The following KCNK2 variants were observed in gnomAD, a reference collection of about 807,000 sequenced individuals.
KCNK2 encodes the protein potassium two pore domain channel subfamily K member 2.
In KCNK2, 21 loss-of-function variants were observed where a neutral mutation model predicts 40.5. The observed-to-expected ratio is 0.52, with a 90% confidence interval of 0.37 to 0.75. The LOEUF (loss-of-function observed/expected upper bound fraction) is 0.75, where lower values mean the gene tolerates loss of function less well. Among genes scored for constraint, KCNK2 ranks in the 30% least tolerant of loss-of-function variants. KCNK2 has a pLI of 0.00. For missense variants in KCNK2, 399 were observed against 531.6 expected (o/e 0.75, Z 2.45); for synonymous variants, 191 against 202.2 (o/e 0.94, Z 0.47).
chr1:215,023,887 C>T (rs1384021165), intron 1 of KCNK2, among the ~76,000 whole-genome samples: 2 of 152,078 alleles, frequency 1.3e-5, no homozygotes, highest in Non-Finnish European at 2.9e-5. Flanking sequence ...CTTTGTCTCC[C>T]CTCCACTTCA....
At chr1:215,101,765 G>A (rs571343768) in intron 2 of KCNK2, among the ~76,000 whole-genome samples, 1 of 151,898 alleles carries the variant, frequency 6.6e-6, no homozygotes, top group Non-Finnish European at 1.5e-5. Flanking sequence ...TGCCTATGAC[G>A]TAGCCATCAA....
intron 2 of KCNK2, among the ~76,000 whole-genome samples, chr1:215,090,146 C>T (rs758341805): frequency 7.9e-5 from 12 of 152,044 alleles, no homozygotes; most frequent in Non-Finnish European, 1.8e-4. Context: ...TTAAGAGCCA[C>T]GGATACCATT....
At position 215,236,090 on chromosome 1, in the gene KCNK2, A is replaced by ATCTATCTATCTG. The variant is rs1553277301; in HGVS notation, c.*953_*954insTCTGTCTATCTA. ...TATCTATCTATCTATCTATCTATCT[A>ATCTATCTATCTG]TCTATCTAAATGACCTGACAGAAGA... is the stretch of plus-strand genomic sequence containing the variant. On this transcript the variant is annotated 3_prime_UTR_variant, in exon 7 of 7. Coordinates refer to ENST00000444842, the MANE Select transcript of KCNK2 (RefSeq NM_001017425.3). 1.3e-3 allele frequency: 192 copies of ATCTATCTATCTG among 151,880 alleles called. No individual in the cohort carries two copies. The highest frequency in any genetic ancestry group is 4.5e-3 in the African/African-American group (184 of 40,882). 9.4% of individuals were successfully genotyped at this position (151,880 alleles called of 1,614,324 possible).
At chr1:215,176,072 C>T (rs576959271) in intron 5 of KCNK2, among the ~76,000 whole-genome samples, 3 of 152,256 alleles carry the variant, frequency 2.0e-5, no homozygotes, top group South Asian at 4.1e-4. Context: ...AGTCTCCAAA[C>T]TGATTTCCAC....
At position 215,083,215 on chromosome 1, in the gene KCNK2, C is replaced by G. The variant is rs1394917035; in HGVS notation, c.-171C>G. ...ACGCTCCCCCCCCCGCCCCCTCCCGCGTCCAGCCCCGCTCTCCCCACCTTG... is the reference window on the plus strand; with the variant it reads ...ACGCTCCCCCCCCCGCCCCCTCCCGGGTCCAGCCCCGCTCTCCCCACCTTG... On this transcript the variant is annotated 5_prime_UTR_variant, in exon 1 of 7. Coordinates refer to ENST00000444842, the MANE Select transcript of KCNK2 (RefSeq NM_001017425.3). The G allele has an allele frequency of 5.2e-6, 7 of 1,348,320 alleles. No homozygotes were observed. In the African/African-American group the frequency reaches 7.6e-5, roughly 15 times the overall value. 83.5% of individuals were successfully genotyped at this position (1,348,320 alleles called of 1,614,324 possible).
intron 2 of KCNK2, among the ~76,000 whole-genome samples, chr1:215,089,133 A>G (rs1659585402): frequency 1.3e-5 from 2 of 152,164 alleles, no homozygotes; most frequent in South Asian, 4.1e-4. Context: ...TAAATTTCCC[A>G]ATCTTTTTTT....
chr1:215,011,470 T>C (rs1335684198), intron 1 of KCNK2, among the ~76,000 whole-genome samples: 1 of 151,614 alleles, frequency 6.6e-6, no homozygotes, highest in Non-Finnish European at 1.5e-5. Flanking sequence ...ATTTTTATAT[T>C]TTTAGTAGAG....
chr1:215,145,029 G>C (rs1172684137), intron 3 of KCNK2, among the ~76,000 whole-genome samples: 1 of 152,166 alleles, frequency 6.6e-6, no homozygotes, highest in Non-Finnish European at 1.5e-5. Flanking sequence ...AAAGTGAAGA[G>C]TGTGAAAAGA....
At chr1:215,126,519 G>A (rs1183639192) in intron 3 of KCNK2, among the ~76,000 whole-genome samples, 1 of 152,046 alleles carries the variant, frequency 6.6e-6, no homozygotes, top group East Asian at 1.9e-4. Flanking sequence ...AGTGAGAATG[G>A]TTTGTTTCTG....
intron 3 of KCNK2, among the ~76,000 whole-genome samples, chr1:215,131,107 G>T (rs76965011): frequency 0.14 from 21,164 of 151,036 alleles, 2,073 homozygotes; most frequent in South Asian, 0.41. Flanking sequence ...TGATCCGCCC[G>T]CCTCGGCCTC....
intron 2 of KCNK2, among the ~76,000 whole-genome samples, chr1:215,097,680 G>A (rs1268950016): frequency 6.6e-6 from 1 of 151,904 alleles, no homozygotes; most frequent in East Asian, 1.9e-4. Flanking sequence ...ATGATATTTG[G>A]TTGGGATTGT....
In KCNK2 at chr1:215,083,328, G is replaced by T; in HGVS notation, c.-58G>T. On this transcript the variant is annotated 5_prime_UTR_variant, in exon 1 of 7. Coordinates refer to ENST00000444842, the MANE Select transcript of KCNK2 (RefSeq NM_001017425.3). ...AAGAAGTGAGTACAATGGCGTGTTT[G>T]TAAAAAAAAGCTTCAAGTCCGTCTT... 6.2e-7 allele frequency: 1 copy of T among 1,612,036 alleles called. No homozygotes were observed. Among genetic ancestry groups the T allele is most frequent in the Non-Finnish European group, 8.5e-7 (1 of 1,178,820 alleles).
chr1:215,027,319 C>T (rs1216765294), intron 1 of KCNK2, among the ~76,000 whole-genome samples: 1 of 151,970 alleles, frequency 6.6e-6, no homozygotes. Context: ...CTGTTTGATT[C>T]CTGGGTTTTA....
chr1:215,088,617 T>C (rs909500395), intron 2 of KCNK2, among the ~76,000 whole-genome samples: 3 of 150,698 alleles, frequency 2.0e-5, no homozygotes, highest in African/African-American at 4.9e-5. Context: ...AGGACAACAC[T>C]GGAAGAAATT....
intron 5 of KCNK2, among the ~76,000 whole-genome samples, chr1:215,194,617 G>A (rs1247671268): frequency 6.6e-6 from 1 of 152,038 alleles, no homozygotes; most frequent in Non-Finnish European, 1.5e-5. Flanking sequence ...TTAAAATAGA[G>A]GTGGAAAAAG....
chr1:215,107,218 G>A (rs1222360297), intron 2 of KCNK2, among the ~76,000 whole-genome samples: 1 of 151,830 alleles, frequency 6.6e-6, no homozygotes, highest in Non-Finnish European at 1.5e-5. Context: ...CAATCTATGA[G>A]CATGGAACAC....
intron 2 of KCNK2, among the ~76,000 whole-genome samples, chr1:215,119,444 G>A (rs534209874): frequency 6.6e-6 from 1 of 152,228 alleles, no homozygotes; most frequent in East Asian, 1.9e-4. Context: ...TCTTTATCAT[G>A]TGTATGAGTA....
chr1:215,041,032 G>A (rs1013583743), intron 1 of KCNK2, among the ~76,000 whole-genome samples: 4 of 152,106 alleles, frequency 2.6e-5, no homozygotes, highest in Non-Finnish European at 5.9e-5. Context: ...GCATTCTTAT[G>A]TTTCACTCTT....
At chr1:215,169,395 T>C in intron 4 of KCNK2, 36 bp downstream of exon 4, 1 of 1,490,900 alleles carries the variant, frequency 6.7e-7, no homozygotes, top group Non-Finnish European at 9.1e-7. Flanking sequence ...GTATATTTAT[T>C]GTTTGATTTT....
Sources: allele counts gnomAD v4.1 joint callset (sites outside exome capture counted in the v4.1 genomes callset), GRCh38; gene constraint gnomAD v4.1.1; transcripts MANE v1.5; gene names NCBI Gene and HGNC (gene_info 2026-07-23, HGNC 2026-07-21).